The following EDDM3A variants were observed in gnomAD, a reference collection of about 807,000 sequenced individuals.
The protein encoded by EDDM3A is epididymal protein 3A.
For synonymous variants in EDDM3A, 75 were observed against 60.4 expected, an observed-to-expected ratio of 1.24 and a Z score of -1.12; for missense variants, 199 against 177.4, an observed-to-expected ratio of 1.12 and a Z score of -0.69.
Position 20,747,810 on chromosome 14 carries a change from A to G in EDDM3A, c.230A>G (p.Gln77Arg), listed in dbSNP as rs1877648306. 1.2e-6 allele frequency: 2 copies of G among 1,614,198 alleles called. No homozygotes were observed. The highest frequency in any genetic ancestry group is 2.2e-5 in the East Asian group (1 of 44,884). Reference protein sequence around the residue: ...MFIYSLWFKIQRACINEKGSD... With the variant: ...MFIYSLWFKIRRACINEKGSD... ...ATCTATAGCTTATGGTTCAAAATTC[A>G]GCGTGCATGCATCAATGAGAAGGGG... The change falls in exon 2 of 2, where the codon CAG (glutamine) becomes CGG (arginine). Residue 77 changes from glutamine (Q) to arginine (R), a missense_variant. Physicochemically the swap from Gln to Arg is conservative, Grantham distance 43. Transcript: ENST00000326842.
the EDDM3A span, among the ~76,000 whole-genome samples, chr14:20,736,203 G>C: frequency 1.3e-5 from 2 of 151,642 alleles, no homozygotes; most frequent in African/African-American, 4.8e-5. Flanking sequence ...TCCACCTCCA[G>C]GTTTCTAGCG....
rs1001200716 is a variant in EDDM3A at position 20,748,122 on chromosome 14, A to G, written c.*98A>G. On this transcript the variant is annotated 3_prime_UTR_variant, in exon 2 of 2. Coordinates refer to ENST00000326842, the MANE Select transcript of EDDM3A (RefSeq NM_006683.5). ...ATAGCCCCTGCCACTCCCCGCTTAC[A>G]TTTATGTGTCAGTGTTTTCCAACTA... 3.6e-6 allele frequency: 3 copies of G among 837,558 alleles called. No individual in the cohort carries two copies. Among genetic ancestry groups the G allele is most frequent in the Admixed American group, 5.2e-5 (2 of 38,152 alleles). 51.9% of individuals were successfully genotyped at this position (837,558 alleles called of 1,614,324 possible). A position where few individuals can be genotyped will look rare whatever the true frequency, so the allele number is the denominator to read the frequency against.
At chr14:20,738,305 C>CTACAAAAA in the EDDM3A span, among the ~76,000 whole-genome samples, 3 of 152,012 alleles carry the variant, frequency 2.0e-5, no homozygotes, top group Non-Finnish European at 2.9e-5. Context: ...AACCTCATCT[C>CTACAAAAA]TACAAAAATA....
chr14:20,736,607 C>A, the EDDM3A span, among the ~76,000 whole-genome samples: 1 of 152,136 alleles, frequency 6.6e-6, no homozygotes, highest in South Asian at 2.1e-4. Context: ...TCTCATATTA[C>A]TCTTTGGTTT....
the EDDM3A span, among the ~76,000 whole-genome samples, chr14:20,740,248 C>T: frequency 6.6e-6 from 1 of 152,196 alleles, no homozygotes; most frequent in Non-Finnish European, 1.5e-5. Context: ...GGCAAGGAAT[C>T]TATTATGGTT....
rs201735791 is a variant in EDDM3A at position 20,747,863 on chromosome 14, T to C, written c.283T>C (p.Trp95Arg). Residue 95 changes from tryptophan to arginine, a missense_variant, in exon 2 of 2, where the codon TGG (tryptophan) becomes CGG (arginine). By Grantham distance (101) the Trp-to-Arg change is moderately radical. Coordinates refer to ENST00000326842, the MANE Select transcript of EDDM3A (RefSeq NM_006683.5). Reference sequence around the variant, plus strand: ...CGACCGATATAGAAATGCATATGTATGGGCCCCAGGTGCCCTCAAAGTACT... The same window carrying C: ...CGACCGATATAGAAATGCATATGTACGGGCCCCAGGTGCCCTCAAAGTACT... Reference protein sequence around the residue: ...GSDRYRNAYVWAPGALKVLEC... With the variant: ...GSDRYRNAYVRAPGALKVLEC... 1.1e-5 allele frequency: 18 copies of C among 1,614,170 alleles called. No individual in the cohort carries two copies. The African/African-American group carries it at 2.3e-4, about 20-fold the overall frequency.
At chr14:20,736,197 C>T in the EDDM3A span, among the ~76,000 whole-genome samples, 1 of 151,938 alleles carries the variant, frequency 6.6e-6, no homozygotes, top group Admixed American at 6.6e-5. Context: ...GCATCCTCCA[C>T]CTCCAGGTTT....
In EDDM3A at chr14:20,748,264, A is replaced by G. The variant is rs60270087; in HGVS notation, c.*240A>G. 4.6e-6 allele frequency: 2 copies of G among 436,462 alleles called. No individual in the cohort carries two copies. Among genetic ancestry groups the G allele is most frequent in the Non-Finnish European group, 8.4e-6 (2 of 237,434 alleles). 27.0% of individuals were successfully genotyped at this position (436,462 alleles called of 1,614,324 possible). A position where few individuals can be genotyped will look rare whatever the true frequency, so the allele number is the denominator to read the frequency against. ...TACACCCACATTTTTTCCAAGATTC[A>G]GCTCATATGGCATCTGTCCTCGACT... On this transcript the variant is annotated 3_prime_UTR_variant, in exon 2 of 2. Transcript: ENST00000326842.
rs761514586 is a variant in EDDM3A, at chr14:20,747,849, G to A, written c.269G>A (p.Arg90Lys). 5 of 1,614,166 alleles carry A rather than the reference G, an allele frequency of 3.1e-6. No individual in the cohort carries two copies. In the South Asian group the frequency reaches 5.5e-5, roughly 18 times the overall value. The change falls in exon 2 of 2, where the codon AGA becomes AAA. Residue 90 changes from arginine (R) to lysine (K), a missense_variant. Arg to Lys is a conservative substitution (Grantham distance 26, BLOSUM62 2). Transcript: ENST00000326842. ...AATGAGAAGGGGAGCGACCGATATA[G>A]AAATGCATATGTATGGGCCCCAGGT... The part of the protein sequence containing the change: ...CINEKGSDRY[R>K]NAYVWAPGAL...
intron 1 of EDDM3A, 75 bp from the exon 2 acceptor site, chr14:20,747,480 G>A: frequency 1.1e-6 from 1 of 905,038 alleles, no homozygotes; most frequent in South Asian, 1.7e-5. Flanking sequence ...CTGCTTGGCA[G>A]GGAAAGGAAT....
At chr14:20,737,230 A>G in the EDDM3A span, among the ~76,000 whole-genome samples, 1 of 151,184 alleles carries the variant, frequency 6.6e-6, no homozygotes, top group South Asian at 2.1e-4. Context: ...ATTTTTTTGT[A>G]TTTTTAGTAG....
upstream of EDDM3A, among the ~76,000 whole-genome samples, chr14:20,743,156 C>T (rs3827903): frequency 0.13 from 19,335 of 152,212 alleles, 1,268 homozygotes; most frequent in Middle Eastern, 0.21. Flanking sequence ...GATTAAGACA[C>T]CTATAGACGT....
chr14:20,747,736 C>A lies in EDDM3A; in HGVS notation c.156C>A (p.Val52=), dbSNP rs1409894947. The change falls in exon 2 of 2, where the codon GTC becomes GTA. Residue 52 remains valine (V), a synonymous_variant. Coordinates refer to ENST00000326842, the MANE Select transcript of EDDM3A (RefSeq NM_006683.5). ...SREFKEYKCD[V]LMREKEALKG... ...AATTCAAAGAGTACAAATGTGATGT[C>A]CTCATGAGAGAAAAAGAGGCTCTGA... 51 of 1,613,966 alleles carry A rather than the reference C, an allele frequency of 3.2e-5. No homozygotes were observed. Among genetic ancestry groups the A allele is most frequent in the Non-Finnish European group, 4.2e-5 (50 of 1,180,012 alleles).
At chr14:20,740,912 T>A (rs1877416758), upstream of EDDM3A, among the ~76,000 whole-genome samples, 1 of 147,658 alleles carries the variant, frequency 6.8e-6, no homozygotes, top group African/African-American at 2.7e-5. Context: ...AGGACGATTT[T>A]CCCTTCAATA....
At chr14:20,737,278 A>T in the EDDM3A span, among the ~76,000 whole-genome samples, 1 of 150,942 alleles carries the variant, frequency 6.6e-6, no homozygotes. Flanking sequence ...CTGGTCTCAA[A>T]CTCCTGACCT....
intron 1 of EDDM3A, among the ~76,000 whole-genome samples, chr14:20,746,951 G>T (rs1877607833): frequency 6.6e-6 from 1 of 152,208 alleles, no homozygotes; most frequent in African/African-American, 2.4e-5. Flanking sequence ...TGGTAAAAGA[G>T]AGCTCGATAG....
chr14:20,742,133 C>A (rs930208398), upstream of EDDM3A, among the ~76,000 whole-genome samples: 5 of 152,218 alleles, frequency 3.3e-5, no homozygotes, highest in African/African-American at 1.2e-4. Flanking sequence ...ACCTTGCAAG[C>A]TGCATTGTTG....
At chr14:20,741,713 A>G (rs542631686), upstream of EDDM3A, among the ~76,000 whole-genome samples, 19 of 152,316 alleles carry the variant, frequency 1.2e-4, no homozygotes, top group South Asian at 3.9e-3. Flanking sequence ...TCTGGGGCTA[A>G]GAACTTCTGT....
chr14:20,742,388 T>A (rs910949506), upstream of EDDM3A, among the ~76,000 whole-genome samples: 14 of 152,256 alleles, frequency 9.2e-5, no homozygotes, highest in African/African-American at 3.4e-4. Flanking sequence ...CAGACCTTGC[T>A]GGTCCTCGCG....
Sources: gnomAD v4.1 joint callset for allele counts (sites outside exome capture counted in the v4.1 genomes callset) on GRCh38, gnomAD v4.1.1 for gene constraint, MANE v1.5 for transcripts, NCBI Gene and HGNC (gene_info 2026-07-23, HGNC 2026-07-21) for gene names.